Variants in CACNA1E observed in about 807,000 individuals in gnomAD.
The protein encoded by CACNA1E is calcium voltage-gated channel subunit alpha1 E.
Under a neutral mutation model 259.2 loss-of-function variants are expected in CACNA1E, and 40 were observed. The ratio of observed to expected loss-of-function variants is 0.15; its 90% CI spans 0.12 to 0.20. The LOEUF is 0.20. CACNA1E is among the 10% of genes least tolerant of loss of function. The pLI, the probability that CACNA1E is intolerant of heterozygous loss-of-function variation, is 1.00. For synonymous variants in CACNA1E, 1,104 were observed against 1,138.5 expected (o/e 0.97, Z 0.61); for missense variants, 1,874 against 3,040.1 (o/e 0.62, Z 9.02).
intron 1 of CACNA1E, among the ~76,000 whole-genome samples, chr1:181,367,566 ATAT>A (rs1315362072): frequency 6.8e-6 from 1 of 146,396 alleles, no homozygotes; most frequent in East Asian, 1.9e-4. Flanking sequence ...TATAACTATA[ATAT>A]TATAATACTA....
chr1:181,429,141 C>A (rs1348806701), intron 2 of CACNA1E, among the ~76,000 whole-genome samples: 1 of 152,162 alleles, frequency 6.6e-6, no homozygotes, highest in Non-Finnish European at 1.5e-5. Context: ...GAGATCACAA[C>A]ACTGCACTCC....
chr1:181,729,486 G>A (rs1046628514), intron 18 of CACNA1E, among the ~76,000 whole-genome samples: 6 of 152,216 alleles, frequency 3.9e-5, no homozygotes, highest in Admixed American at 2.6e-4. Flanking sequence ...CTGTTAAAAA[G>A]CAAAGTGCCT....
intron 13 of CACNA1E, 49 bp from the exon 14 acceptor site, chr1:181,720,157 T>C (rs1233582910): frequency 6.2e-7 from 1 of 1,607,584 alleles, no homozygotes; most frequent in African/African-American, 1.3e-5. Context: ...GCTTGGTGGG[T>C]GACTTGGTAT....
At chr1:181,564,436 G>A (rs548622997) in intron 3 of CACNA1E, among the ~76,000 whole-genome samples, 27 of 152,318 alleles carry the variant, frequency 1.8e-4, no homozygotes, top group Middle Eastern at 6.8e-3. Context: ...TGAGATTGCA[G>A]CAATTCAGTC....
chr1:181,705,582 G>T (rs980621314), intron 7 of CACNA1E, among the ~76,000 whole-genome samples: 1 of 152,158 alleles, frequency 6.6e-6, no homozygotes, highest in South Asian at 2.1e-4. Context: ...TTACTTCCCT[G>T]TATGCAAGAG....
chr1:181,740,031 AC>A (rs1463378444), intron 25 of CACNA1E, among the ~76,000 whole-genome samples: 1 of 152,124 alleles, frequency 6.6e-6, no homozygotes, highest in Non-Finnish European at 1.5e-5. Flanking sequence ...CTTTTTCCTA[AC>A]CCGGTGTATA....
chr1:181,765,597 C>T (rs571300031), intron 34 of CACNA1E, among the ~76,000 whole-genome samples: 3 of 152,326 alleles, frequency 2.0e-5, no homozygotes, highest in East Asian at 3.9e-4. Flanking sequence ...TGTTGAAAAG[C>T]TCTGCCCTGC....
At chr1:181,354,782 G>A (rs76071585) in intron 1 of CACNA1E, among the ~76,000 whole-genome samples, 246 of 152,272 alleles carry the variant, frequency 1.6e-3, no homozygotes, top group African/African-American at 5.6e-3. Context: ...GAGGGCAAGG[G>A]TGCCAAGTTC....
At chr1:181,627,769 G>T (rs76981945) in intron 6 of CACNA1E, among the ~76,000 whole-genome samples, 1 of 152,182 alleles carries the variant, frequency 6.6e-6, no homozygotes, top group Non-Finnish European at 1.5e-5. Flanking sequence ...GAGGCTACAG[G>T]TTGCTAAACT....
chr1:181,603,205 A>G (rs1372067213), intron 6 of CACNA1E, among the ~76,000 whole-genome samples: 1 of 152,214 alleles, frequency 6.6e-6, no homozygotes, highest in South Asian at 2.1e-4. Context: ...CAGAGCACAT[A>G]TTATATGCCA....
At chr1:181,366,992 T>C (rs1654319749) in intron 1 of CACNA1E, among the ~76,000 whole-genome samples, 1 of 152,208 alleles carries the variant, frequency 6.6e-6, no homozygotes, top group Admixed American at 6.5e-5. Flanking sequence ...TGTGATTCTG[T>C]GTCTGTGGTG....
chr1:181,539,751 T>A (rs1668441097), intron 3 of CACNA1E, among the ~76,000 whole-genome samples: 1 of 152,202 alleles, frequency 6.6e-6, no homozygotes, highest in African/African-American at 2.4e-5. Flanking sequence ...ATATTATGTA[T>A]AAAACCATTA....
chr1:181,590,073 G>A (rs1486931664), intron 6 of CACNA1E, among the ~76,000 whole-genome samples: 1 of 152,036 alleles, frequency 6.6e-6, no homozygotes, highest in Non-Finnish European at 1.5e-5. Flanking sequence ...ACAGACCTTT[G>A]CCTGCCTCCA....
intron 7 of CACNA1E, among the ~76,000 whole-genome samples, chr1:181,700,809 CCTT>C (rs1183753076): frequency 2.6e-5 from 4 of 152,186 alleles, no homozygotes; most frequent in African/African-American, 4.8e-5. Flanking sequence ...CCAGGCTAGT[CCTT>C]CTGTGTATTG....
At chr1:181,597,306 C>T (rs1002494412) in intron 6 of CACNA1E, among the ~76,000 whole-genome samples, 1 of 152,136 alleles carries the variant, frequency 6.6e-6, no homozygotes, top group Non-Finnish European at 1.5e-5. Context: ...AAGGGGCTCC[C>T]TTATTATTGT....
chr1:181,807,135 A>C lies in CACNA1E; in HGVS notation c.*8301A>C, dbSNP rs1662685964. On this transcript the variant is annotated 3_prime_UTR_variant, in exon 48 of 48. Coordinates refer to ENST00000367573, the MANE Select transcript of CACNA1E (RefSeq NM_001205293.3). Reference sequence around the variant, plus strand: ...GAGTGAAACCCTCATCTCTTAAAAAAAAAAAAAAGGAATAAAAATGTTCTC... The same window carrying C: ...GAGTGAAACCCTCATCTCTTAAAAACAAAAAAAAGGAATAAAAATGTTCTC... 1 of 151,918 alleles carries C rather than the reference A, an allele frequency of 6.6e-6. No homozygotes were observed. The highest frequency in any genetic ancestry group is 1.5e-5 in the Non-Finnish European group (1 of 67,948). 9.4% of individuals were successfully genotyped at this position (151,918 alleles called of 1,614,324 possible). A position where few individuals can be genotyped will look rare whatever the true frequency, so the allele number is the denominator to read the frequency against.
At chr1:181,744,073 T>A (rs1656838461) in intron 25 of CACNA1E, among the ~76,000 whole-genome samples, 1 of 152,232 alleles carries the variant, frequency 6.6e-6, no homozygotes. Flanking sequence ...CATTATTCAG[T>A]CCTTAGCCAG....
At chr1:181,483,488 T>A, upstream of CACNA1E, 1 of 331,400 alleles carries the variant, frequency 3.0e-6, no homozygotes, top group Non-Finnish European at 5.4e-6. Flanking sequence ...CACCCGCTTT[T>A]TTTTTCTTTT....
intron 1 of CACNA1E, among the ~76,000 whole-genome samples, chr1:181,347,334 C>T (rs1220758013): frequency 1.3e-5 from 2 of 152,222 alleles, no homozygotes; most frequent in Non-Finnish European, 2.9e-5. Context: ...TGAAGAGATA[C>T]AAAGCAGGCA....
Sources: gnomAD v4.1 joint callset for allele counts (sites outside exome capture counted in the v4.1 genomes callset) on GRCh38, gnomAD v4.1.1 for gene constraint, MANE v1.5 for transcripts, NCBI Gene and HGNC (gene_info 2026-07-23, HGNC 2026-07-21) for gene names.